Variants in ACTL6A observed in about 807,000 individuals in gnomAD.
ACTL6A encodes the protein actin-like protein 6A.
Under a neutral mutation model 59.2 loss-of-function variants are expected in ACTL6A, and 5 were observed. The observed-to-expected ratio is 0.08, with a 90% CI of 0.04 to 0.18. ACTL6A has a LOEUF of 0.18. ACTL6A is among the 10% of genes least tolerant of loss of function. The probability of loss-of-function intolerance (pLI) is 1.00; values close to 1 mark genes in which losing one functional copy is unlikely to be tolerated. For synonymous variants in ACTL6A, 154 were observed against 171.8 expected (o/e 0.90, Z 0.81); for missense variants, 285 against 526.9 (o/e 0.54, Z 4.49).
At chr3:179,565,751 A>G (rs1465916356) in intron 1 of ACTL6A, among the ~76,000 whole-genome samples, 1 of 152,142 alleles carries the variant, frequency 6.6e-6, no homozygotes, top group Non-Finnish European at 1.5e-5. Context: ...TTGAATTTCA[A>G]CTGGCTAGAG....
chr3:179,586,667 A>G (rs1257006748), intron 13 of ACTL6A, 35 bp downstream of exon 13: 1 of 1,462,080 alleles, frequency 6.8e-7, no homozygotes, highest in Non-Finnish European at 9.4e-7. Flanking sequence ...AAATATTCTT[A>G]CTGAATTATA....
At position 179,570,076 on chromosome 3, in the gene ACTL6A, C is replaced by A; in HGVS notation, c.112C>A (p.Pro38Thr). The A allele has an allele frequency of 6.2e-7, 1 of 1,613,266 alleles. No individual in the cohort carries two copies. The highest frequency in any genetic ancestry group is 8.5e-7 in the Non-Finnish European group (1 of 1,179,754). The change falls in exon 3 of 14, where the codon CCT (proline) becomes ACT (threonine). Residue 38 changes from proline (P) to threonine (T), a missense_variant. Transcript: ENST00000429709. This position sits in a 1 kb window ranked among gnomAD's most constrained non-coding sequence, Gnocchi z 4.3. Reference sequence around the variant, plus strand: ...TTTCTGACTCTTACAGGTGGATTTTCCTACAGCTATTGGTATGGTGGTAGA... The same window carrying A: ...TTTCTGACTCTTACAGGTGGATTTTACTACAGCTATTGGTATGGTGGTAGA... The part of the protein sequence containing the change: ...AGEDCPKVDF[P>T]TAIGMVVERD...
Position 179,563,071 on chromosome 3 carries a change from A to G in ACTL6A, c.-22A>G. On this transcript the variant is annotated 5_prime_UTR_variant, in exon 1 of 14. Transcript: ENST00000429709. ...CACTTCGCCAGTTAGCCCTTAGGGT[A>G]GGAGTCGCGCCGGCAGCAGCCATGA... 6.2e-7 allele frequency: 1 copy of G among 1,610,998 alleles called. No individual in the cohort carries two copies. Among genetic ancestry groups the G allele is most frequent in the African/African-American group, 1.3e-5 (1 of 75,030 alleles).
chr3:179,569,886 G>A lies in ACTL6A; in HGVS notation c.88G>A (p.Glu30Lys). ...SYTVRAGYAG[E>K]DCPKVDFPTA... ...TACTGTGAGAGCTGGTTATGCTGGT[G>A]AGGACTGCCCCAAGGTAAGTGTAAT... Residue 30 changes from glutamate (E) to lysine (K), a missense_variant, in exon 2 of 14, where the codon GAG becomes AAG. Coordinates refer to ENST00000429709, the MANE Select transcript of ACTL6A (RefSeq NM_004301.5). 1 of 1,614,150 alleles carries A rather than the reference G, an allele frequency of 6.2e-7. No individual in the cohort carries two copies. Among genetic ancestry groups the A allele is most frequent in the Non-Finnish European group, 8.5e-7 (1 of 1,179,984 alleles).
chr3:179,586,944 A>C (rs1485878746), intron 13 of ACTL6A, among the ~76,000 whole-genome samples: 5 of 152,218 alleles, frequency 3.3e-5, no homozygotes, highest in Non-Finnish European at 7.3e-5. Flanking sequence ...TGCATTTAAA[A>C]TGAAAACATT....
rs1718480532 is a variant in ACTL6A at position 179,586,143 on chromosome 3, T to C, written c.1123-403T>C. Among the ~76,000 whole-genome samples the C allele has an allele frequency of 4.6e-5, 7 of 152,230 alleles. No homozygotes were observed. In the South Asian group the frequency reaches 1.4e-3, roughly 32 times the overall value. On this transcript the variant is annotated intron_variant, in intron 12 of 13. Coordinates refer to ENST00000429709, the MANE Select transcript of ACTL6A (RefSeq NM_004301.5). ...AGGATAGAAATTGTGAATGCTATACTTCAGTATGCAGCTTTTTAAAGTTTG... is the reference window on the plus strand; with the variant it reads ...AGGATAGAAATTGTGAATGCTATACCTCAGTATGCAGCTTTTTAAAGTTTG...
At position 179,562,939 on chromosome 3, in the gene ACTL6A, C is replaced by G; in HGVS notation, c.-154C>G. ...GGAGGAGCCAGCAAGTGTGGCTGAG[C>G]TCCGGGGTGTGTGGACGCCGCTTTG... is the stretch of plus-strand genomic sequence containing the variant. On this transcript the variant is annotated 5_prime_UTR_variant, in exon 1 of 14. Coordinates refer to ENST00000429709, the MANE Select transcript of ACTL6A (RefSeq NM_004301.5). 1 of 937,268 alleles carries G rather than the reference C, an allele frequency of 1.1e-6. No homozygotes were observed. Among genetic ancestry groups the G allele is most frequent in the Non-Finnish European group, 1.7e-6 (1 of 600,274 alleles). 58.1% of individuals were successfully genotyped at this position (937,268 alleles called of 1,614,324 possible).
In ACTL6A at chr3:179,581,134, T is replaced by A. The variant is rs1718327106; in HGVS notation, c.946-6T>A. 6.2e-7 allele frequency: 1 copy of A among 1,613,632 alleles called. No homozygotes were observed. The highest frequency in any genetic ancestry group is 1.7e-5 in the Admixed American group (1 of 60,004). Reference sequence around the variant, plus strand: ...CCATGTGACTACTTGTTTTCTTTTGTTGTAGGGGTTATCAGGAAACACAAT... The same window carrying A: ...CCATGTGACTACTTGTTTTCTTTTGATGTAGGGGTTATCAGGAAACACAAT... On this transcript the variant is annotated splice_region_variant and splice_polypyrimidine_tract_variant and intron_variant, in intron 10 of 13. Transcript: ENST00000429709.
At chr3:179,585,841 G>T (rs1208574999) in intron 12 of ACTL6A, among the ~76,000 whole-genome samples, 1 of 152,122 alleles carries the variant, frequency 6.6e-6, no homozygotes, top group African/African-American at 2.4e-5. Flanking sequence ...AAGAGAAAAT[G>T]AGAGTCAGAA....
At chr3:179,573,269 C>G in intron 3 of ACTL6A, 100 bp from the exon 4 acceptor site, 1 of 719,796 alleles carries the variant, frequency 1.4e-6, no homozygotes. Flanking sequence ...GTTCTGTATA[C>G]TAAAGTATTA....
chr3:179,586,265 A>G (rs1195660478), intron 12 of ACTL6A, among the ~76,000 whole-genome samples: 3 of 152,272 alleles, frequency 2.0e-5, no homozygotes, highest in Non-Finnish European at 2.9e-5. Flanking sequence ...TATCTTGGCT[A>G]TTTCAAAATT....
At chr3:179,581,370 T>A in intron 11 of ACTL6A, 150 bp downstream of exon 11, 1 of 670,846 alleles carries the variant, frequency 1.5e-6, no homozygotes, top group South Asian at 2.2e-5. Flanking sequence ...AAAGATGAAG[T>A]ACTAGAAAAG....
intron 13 of ACTL6A, 54 bp from the exon 14 acceptor site, chr3:179,587,876 C>T: frequency 6.6e-7 from 1 of 1,506,644 alleles, no homozygotes. Context: ...ATTTTTTAAG[C>T]CATTTCTAGT....
intron 11 of ACTL6A, among the ~76,000 whole-genome samples, chr3:179,582,062 G>C (rs1718355675): frequency 6.6e-6 from 1 of 152,186 alleles, no homozygotes. Context: ...AAAAGGCTTT[G>C]AGTGGCTATG....
chr3:179,579,284 C>T (rs1718260859), intron 8 of ACTL6A, among the ~76,000 whole-genome samples: 1 of 151,972 alleles, frequency 6.6e-6, no homozygotes, highest in Admixed American at 6.6e-5. Context: ...TTGTTAGATA[C>T]ATAGTTTGCA....
chr3:179,577,002 G>A, intron 8 of ACTL6A, 89 bp downstream of exon 8: 1 of 897,476 alleles, frequency 1.1e-6, no homozygotes. Context: ...AAATCCTTGA[G>A]TAAAATATGG....
chr3:179,567,547 A>G (rs1459092518), intron 1 of ACTL6A, among the ~76,000 whole-genome samples: 1 of 152,208 alleles, frequency 6.6e-6, no homozygotes, highest in Non-Finnish European at 1.5e-5. Context: ...GCGCAGGGCA[A>G]AAGATAAATC....
At chr3:179,579,451 CAT>C (rs201684609) in intron 8 of ACTL6A, among the ~76,000 whole-genome samples, 2 of 137,494 alleles carry the variant, frequency 1.5e-5, no homozygotes, top group African/African-American at 6.0e-5. Flanking sequence ...TTATTTATAT[CAT>C]ATACACACAC....
chr3:179,571,300 C>T lies in ACTL6A; in HGVS notation c.277+1059C>T, dbSNP rs1717999749. Among the ~76,000 whole-genome samples the T allele has an allele frequency of 2.6e-5, 4 of 151,898 alleles. No individual in the cohort carries two copies. In the South Asian group the frequency reaches 8.3e-4, roughly 32 times the overall value. On this transcript the variant is annotated intron_variant, in intron 3 of 13. Transcript: ENST00000429709. ...TGACAGGTGTGGTGATGCGTACCACCTGTAATTCCAGCTACTTGGGAGGCT... is the reference window on the plus strand; with the variant it reads ...TGACAGGTGTGGTGATGCGTACCACTTGTAATTCCAGCTACTTGGGAGGCT...
Sources: gnomAD v4.1 joint callset for allele counts (sites outside exome capture counted in the v4.1 genomes callset) on GRCh38, gnomAD v4.1.1 for gene constraint, Gnocchi (gnomAD v3.1) non-coding constraint, MANE v1.5 for transcripts, NCBI Gene and HGNC (gene_info 2026-07-23, HGNC 2026-07-21) for gene names.